The following ACTR3C variants were observed in gnomAD, a reference collection of about 807,000 sequenced individuals.
ACTR3C encodes actin-related protein 3C.
In ACTR3C, 18 loss-of-function variants were observed where a neutral mutation model predicts 26.3. The observed-to-expected ratio is 0.68, with a 90% CI of 0.47 to 1.01. The LOEUF (loss-of-function observed/expected upper bound fraction) is 1.01, where lower values mean the gene tolerates loss of function less well. Among genes scored for constraint, ACTR3C ranks in the 50% least tolerant of loss-of-function variants. The pLI is 0.00. For synonymous variants in ACTR3C, 55 were observed against 94.5 expected (o/e 0.58, Z 2.42); for missense variants, 184 against 250.7 (o/e 0.73, Z 1.80).
rs143786951 is a variant in ACTR3C at position 150,314,147 on chromosome 7, C to T, written c.-52+9322G>A. ...GCTCATGTGGCACTGGGGCTGTATACGTGTCTCCTAGGGTCAGTGGCAGCA... is the reference window on the plus strand; with the variant it reads ...GCTCATGTGGCACTGGGGCTGTATATGTGTCTCCTAGGGTCAGTGGCAGCA... On this transcript the variant is annotated intron_variant, in intron 1 of 7. Transcript: ENST00000683684. Among the ~76,000 whole-genome samples the T allele has an allele frequency of 5.3e-5, 8 of 152,268 alleles. No individual in the cohort carries two copies. The East Asian group carries it at 5.8e-4, about 11-fold the overall frequency.
At chr7:150,294,342 C>T (rs1170623678) in intron 2 of ACTR3C, among the ~76,000 whole-genome samples, 8 of 152,226 alleles carry the variant, frequency 5.3e-5, no homozygotes, top group Non-Finnish European at 2.9e-5. Context: ...GCCCAAAGCA[C>T]TGAGGGTGGA....
At chr7:150,161,750 A>G in the ACTR3C span, among the ~76,000 whole-genome samples, 1 of 152,188 alleles carries the variant, frequency 6.6e-6, no homozygotes, top group African/African-American at 2.4e-5. Flanking sequence ...ACAATAGTAA[A>G]GACTTGGGAG....
chr7:149,954,387 C>G, the ACTR3C span, among the ~76,000 whole-genome samples: 2 of 152,130 alleles, frequency 1.3e-5, no homozygotes, highest in Non-Finnish European at 2.9e-5. Flanking sequence ...TCAGAATCCC[C>G]TGCCCCCAAC....
the ACTR3C span, chr7:150,076,710 A>C: frequency 1.3e-5 from 2 of 152,224 alleles, no homozygotes; most frequent in African/African-American, 4.8e-5. Context: ...ATCTTGCTGC[A>C]GGTAAGCTGT....
the ACTR3C span, among the ~76,000 whole-genome samples, chr7:150,010,540 A>G: frequency 2.0e-5 from 3 of 152,042 alleles, no homozygotes; most frequent in Non-Finnish European, 4.4e-5. Flanking sequence ...CTAAAAATAT[A>G]AAAATTAGCC....
chr7:149,903,881 GTTGTTGTTGT>G, the ACTR3C span, among the ~76,000 whole-genome samples: 526 of 59,252 alleles, frequency 8.9e-3, 20 homozygotes, highest in East Asian at 0.093. Flanking sequence ...TGTTGTTGTT[GTTGTTGTTGT>G]TTGTTGTTGC....
chr7:150,309,256 T>C (rs1387011829), intron 1 of ACTR3C, among the ~76,000 whole-genome samples: 1 of 152,188 alleles, frequency 6.6e-6, no homozygotes. Context: ...AAGGTAAAGA[T>C]GAAAACCCAG....
chr7:150,142,842 G>T, the ACTR3C span, among the ~76,000 whole-genome samples: 180 of 142,494 alleles, frequency 1.3e-3, no homozygotes, highest in African/African-American at 4.5e-3. Context: ...TTTTGTTTTT[G>T]TTTTTGTTTT....
the ACTR3C span, among the ~76,000 whole-genome samples, chr7:150,180,292 G>A: frequency 1.3e-5 from 2 of 149,884 alleles, no homozygotes; most frequent in Non-Finnish European, 1.5e-5. Context: ...GCGACAGAGC[G>A]AGACTCCATA....
At chr7:150,271,440 GT>G (rs1265115612) in intron 6 of ACTR3C, among the ~76,000 whole-genome samples, 1 of 151,324 alleles carries the variant, frequency 6.6e-6, no homozygotes, top group Non-Finnish European at 1.5e-5. Context: ...GCAGTGTTTG[GT>G]TTTCTGTTCC....
the ACTR3C span, among the ~76,000 whole-genome samples, chr7:149,905,974 G>C: frequency 1.3e-5 from 2 of 151,856 alleles, no homozygotes; most frequent in Non-Finnish European, 2.9e-5. Flanking sequence ...ATACGCATAA[G>C]GAAATTTTTA....
rs182437230 is a variant in ACTR3C at position 150,259,066 on chromosome 7, G to A, written c.565-10012C>T. On this transcript the variant is annotated intron_variant, in intron 6 of 7. Transcript: ENST00000683684. ...ATATTCACTTACATTTTGCCTCAGG[G>A]TCATATTAATTCTCTCACCCTCCTG... 1.8e-3 allele frequency among the ~76,000 whole-genome samples: 279 copies of A among 151,646 alleles called. 2 individuals are homozygous for A. Among genetic ancestry groups the A allele is most frequent in the Admixed American group, 0.012 (180 of 15,246 alleles).
At chr7:150,207,847 T>C in the ACTR3C span, among the ~76,000 whole-genome samples, 5,710 of 146,714 alleles carry the variant, frequency 0.039, 414 homozygotes, top group African/African-American at 0.15. Flanking sequence ...TCAATATATT[T>C]AGCATAAAAT....
chr7:150,239,540 C>CTCTCTA (rs1317088405), downstream of ACTR3C, among the ~76,000 whole-genome samples: 132 of 90,196 alleles, frequency 1.5e-3, no homozygotes, highest in Admixed American at 2.4e-3. Flanking sequence ...CTCTCTCTCT[C>CTCTCTA]TATATATATA....
chr7:150,093,957 T>C, the ACTR3C span, among the ~76,000 whole-genome samples: 54 of 149,690 alleles, frequency 3.6e-4, no homozygotes, highest in Non-Finnish European at 4.7e-4. Flanking sequence ...TTGCATTTTC[T>C]TGGTAACCTT....
Position 150,274,270 on chromosome 7 carries a change from G to A in ACTR3C, c.564+10483C>T, listed in dbSNP as rs1397557496. 2.0e-5 allele frequency among the ~76,000 whole-genome samples: 3 copies of A among 152,132 alleles called. No individual in the cohort carries two copies. The highest frequency in any genetic ancestry group is 6.5e-5 in the Admixed American group (1 of 15,274). On this transcript the variant is annotated intron_variant, in intron 6 of 7. Coordinates refer to ENST00000683684, the MANE Select transcript of ACTR3C (RefSeq NM_001164458.2). The surrounding 1 kb of genome is among the most constrained non-coding windows in gnomAD (Gnocchi z 4.1). ...TTACCAACTGAAGGTTTGAGGAAAC[G>A]GCACCAAGCAGGTCTGTCAGCGCCA...
At chr7:150,046,984 C>T in the ACTR3C span, among the ~76,000 whole-genome samples, 1 of 151,910 alleles carries the variant, frequency 6.6e-6, no homozygotes, top group Admixed American at 6.5e-5. Context: ...ATTGCTGGGC[C>T]CTGGGACAGA....
intron 6 of ACTR3C, among the ~76,000 whole-genome samples, chr7:150,282,238 C>T (rs2129612057): frequency 6.8e-6 from 1 of 147,054 alleles, no homozygotes; most frequent in African/African-American, 2.6e-5. Context: ...GCAGCGGGGA[C>T]CTGAGGCGAT....
the ACTR3C span, among the ~76,000 whole-genome samples, chr7:149,954,011 G>A: frequency 1.1e-4 from 16 of 140,664 alleles, no homozygotes; most frequent in East Asian, 1.0e-3. Flanking sequence ...CTACCATGCC[G>A]AGAGCAGATC....
Sources: allele counts gnomAD v4.1 joint callset (sites outside exome capture counted in the v4.1 genomes callset), GRCh38; gene constraint gnomAD v4.1.1; non-coding constraint Gnocchi (gnomAD v3.1); transcripts MANE v1.5; gene names NCBI Gene and HGNC (gene_info 2026-07-23, HGNC 2026-07-21).